KIAA0319: variants seen among roughly 807,000 people sequenced by gnomAD.
KIAA0319 encodes dyslexia-associated protein KIAA0319.
KIAA0319 carries 83 observed loss-of-function variants against 108.4 expected under a neutral mutation model. That is an observed-to-expected ratio of 0.77 (90% CI 0.64 to 0.92). The LOEUF is 0.92. Among genes scored for constraint, KIAA0319 ranks in the 40% least tolerant of loss-of-function variants. KIAA0319 has a pLI of 0.00. For synonymous variants in KIAA0319, 484 were observed against 510.4 expected (o/e 0.95, Z 0.70); for missense variants, 1,195 against 1,322.4 (o/e 0.90, Z 1.49).
chr6:24,579,128 T>G (rs1211767251), intron 8 of KIAA0319, among the ~76,000 whole-genome samples: 1 of 152,156 alleles, frequency 6.6e-6, no homozygotes, highest in Non-Finnish European at 1.5e-5. Context: ...AACTTTGTGA[T>G]TAAATGTACA....
intron 1 of KIAA0319, 184 bp downstream of exon 1, chr6:24,645,552 C>G (rs1268115101): frequency 6.6e-6 from 1 of 152,160 alleles, no homozygotes; most frequent in Non-Finnish European, 1.5e-5. Context: ...CGACTCCACC[C>G]TACTAGTCAA....
intron 10 of KIAA0319, among the ~76,000 whole-genome samples, chr6:24,574,606 G>C (rs376815803): frequency 2.9e-4 from 44 of 151,976 alleles, no homozygotes; most frequent in South Asian, 8.3e-4. Context: ...GAAGTTCATG[G>C]CATCATGAAA....
chr6:24,601,340 G>A, intron 1 of KIAA0319, 132 bp from the exon 2 acceptor site: 2 of 1,330,180 alleles, frequency 1.5e-6, no homozygotes, highest in Non-Finnish European at 1.9e-6. Flanking sequence ...CACAACCCAG[G>A]CAAACATCCA....
chr6:24,600,173 GA>G (rs1175972343), intron 2 of KIAA0319, among the ~76,000 whole-genome samples: 6 of 152,090 alleles, frequency 3.9e-5, no homozygotes, highest in African/African-American at 1.4e-4. Context: ...ATTTGCAAAG[GA>G]AAAAATATGG....
intron 1 of KIAA0319, among the ~76,000 whole-genome samples, chr6:24,644,590 C>T (rs530607808): frequency 7.0e-6 from 1 of 143,350 alleles, no homozygotes; most frequent in African/African-American, 2.7e-5. Flanking sequence ...AAAGAGAATG[C>T]TTCCTATCTA....
Position 24,558,365 on chromosome 6 carries a change from C to CTACATAAA in KIAA0319, c.2734+647_2734+648insTTTATGTA, listed in dbSNP as rs372256630. On this transcript the variant is annotated intron_variant, in intron 17 of 20. Transcript: ENST00000378214. ...CAATTGTAGATGGATATATATATAT[C>CTACATAAA]TAGATAGATAGATAGATAGATAGAT... is the stretch of plus-strand genomic sequence containing the variant. Among the ~76,000 whole-genome samples, 100 of 150,896 alleles carry CTACATAAA rather than the reference C, an allele frequency of 6.6e-4. 1 individual carries two copies. The highest frequency in any genetic ancestry group is 2.3e-3 in the African/African-American group (96 of 41,100).
intron 10 of KIAA0319, among the ~76,000 whole-genome samples, chr6:24,574,270 CA>C (rs899043623): frequency 6.6e-6 from 1 of 151,398 alleles, no homozygotes; most frequent in Non-Finnish European, 1.5e-5. Flanking sequence ...CCCATCTTCA[CA>C]AAAAAAACCA....
At chr6:24,600,614 C>A (rs1284562829) in intron 2 of KIAA0319, 1 of 1,478,374 alleles carries the variant, frequency 6.8e-7, no homozygotes, top group Non-Finnish European at 9.1e-7. Context: ...CCTTGGTATA[C>A]TCACATGGGC....
intron 1 of KIAA0319, among the ~76,000 whole-genome samples, chr6:24,627,810 A>G (rs555689975): frequency 1.3e-5 from 2 of 152,328 alleles, no homozygotes; most frequent in South Asian, 4.1e-4. Flanking sequence ...TATCTAATGA[A>G]CTGTTAATTA....
At chr6:24,628,068 C>T (rs1158715982) in intron 1 of KIAA0319, among the ~76,000 whole-genome samples, 7 of 152,134 alleles carry the variant, frequency 4.6e-5, no homozygotes, top group African/African-American at 1.7e-4. Context: ...TTCAAGCACA[C>T]GTAGTGCTGG....
rs1274289104 is a variant in KIAA0319 at position 24,545,154 on chromosome 6, CAGG to C, written c.*2008_*2010del. 1 of 152,182 alleles carries C rather than the reference CAGG, an allele frequency of 6.6e-6. No homozygotes were observed. The highest frequency in any genetic ancestry group is 1.5e-5 in the Non-Finnish European group (1 of 68,034). The allele number at this position is 152,182 out of a possible 1,614,324, so 9.4% of individuals were successfully genotyped here. Reference sequence around the variant, plus strand: ...AGAATTTGCCCTCCATCCATCAAGGCAGGAGTTCTTTGTTTAGTGGAAAGCAGA... The same window carrying C: ...AGAATTTGCCCTCCATCCATCAAGGCAGTTCTTTGTTTAGTGGAAAGCAGA... On this transcript the variant is annotated 3_prime_UTR_variant, in exon 21 of 21. Coordinates refer to ENST00000378214, the MANE Select transcript of KIAA0319 (RefSeq NM_014809.4).
intron 1 of KIAA0319, among the ~76,000 whole-genome samples, chr6:24,615,963 GA>G (rs1457382737): frequency 1.3e-5 from 2 of 152,100 alleles, no homozygotes; most frequent in African/African-American, 4.8e-5. Context: ...AATATTATCA[GA>G]AATATGAGTT....
rs531022746 is a variant in KIAA0319 at position 24,643,737 on chromosome 6, C to A, written c.-106+1999G>T. Among the ~76,000 whole-genome samples the A allele has an allele frequency of 4.6e-5, 7 of 152,278 alleles. No individual in the cohort carries two copies. The South Asian group carries it at 1.4e-3, about 32-fold the overall frequency. Reference sequence around the variant, plus strand: ...GAAAAAGAACACATCTCAAAAATAACAACACTTATTGAAGCGTTACTATTA... The same window carrying A: ...GAAAAAGAACACATCTCAAAAATAAAAACACTTATTGAAGCGTTACTATTA... On this transcript the variant is annotated intron_variant, in intron 1 of 20. Transcript: ENST00000378214.
intron 1 of KIAA0319, among the ~76,000 whole-genome samples, chr6:24,627,691 A>C (rs1774906416): frequency 6.6e-6 from 1 of 152,192 alleles, no homozygotes; most frequent in Non-Finnish European, 1.5e-5. Flanking sequence ...TCAAGCACCA[A>C]AGTAACCTTT....
intron 19 of KIAA0319, among the ~76,000 whole-genome samples, chr6:24,553,329 A>G (rs866369333): frequency 0.013 from 1,320 of 104,668 alleles, 15 homozygotes; most frequent in Non-Finnish European, 0.02. Flanking sequence ...ACACACACAC[A>G]CACACACGCA....
Position 24,596,503 on chromosome 6 carries a change from G to GA in KIAA0319, c.170_171insT (p.Thr58HisfsTer6). On this transcript the variant is annotated frameshift_variant, in exon 3 of 21. Coordinates refer to ENST00000378214, the MANE Select transcript of KIAA0319 (RefSeq NM_014809.4). LOFTEE classifies it high-confidence loss of function. The stretch of plus-strand genomic sequence containing the variant: ...TGGACAGGTCACAGCAAGCGGCCGT[G>GA]CAGTCTACGACAGGGAAGGTGTGAG... 1 of 1,614,148 alleles carries GA rather than the reference G, an allele frequency of 6.2e-7. No individual in the cohort carries two copies. The highest frequency in any genetic ancestry group is 8.5e-7 in the Non-Finnish European group (1 of 1,180,044).
chr6:24,638,828 G>A (rs1776552190), intron 1 of KIAA0319, among the ~76,000 whole-genome samples: 1 of 152,070 alleles, frequency 6.6e-6, no homozygotes, highest in Non-Finnish European at 1.5e-5. Context: ...ATACATACTA[G>A]GGATCTAAGG....
At chr6:24,580,275 G>A (rs544941238) in intron 7 of KIAA0319, among the ~76,000 whole-genome samples, 2 of 152,234 alleles carry the variant, frequency 1.3e-5, no homozygotes. Context: ...CAGCTCCTTG[G>A]ATTGAGTGGA....
chr6:24,635,973 C>T (rs1002298405), intron 1 of KIAA0319, among the ~76,000 whole-genome samples: 13 of 152,086 alleles, frequency 8.5e-5, no homozygotes, highest in African/African-American at 2.9e-4. Flanking sequence ...CAGCCTAGAA[C>T]GACTAATGAA....
Sources: gnomAD v4.1 joint callset for allele counts (sites outside exome capture counted in the v4.1 genomes callset) on GRCh38, gnomAD v4.1.1 for gene constraint, MANE v1.5 for transcripts, NCBI Gene and HGNC (gene_info 2026-07-23, HGNC 2026-07-21) for gene names.